Variants in FSIP1 observed in about 807,000 individuals in gnomAD.
FSIP1 encodes fibrous sheath-interacting protein 1.
A neutral mutation model predicts 60.9 loss-of-function variants in FSIP1; 65 were observed. The ratio of observed to expected loss-of-function variants is 1.07; its 90% confidence interval spans 0.87 to 1.31. FSIP1 has a LOEUF of 1.31. Ranked by LOEUF, FSIP1 falls within the 40% of genes most tolerant of loss-of-function variation. The pLI is 0.00. For synonymous variants in FSIP1, 209 were observed against 221.2 expected (o/e 0.94, Z 0.49); for missense variants, 675 against 665.5 (o/e 1.01, Z -0.16).
intron 10 of FSIP1, among the ~76,000 whole-genome samples, chr15:39,645,405 C>T (rs1467722576): frequency 6.6e-6 from 1 of 151,634 alleles, no homozygotes; most frequent in Non-Finnish European, 1.5e-5. Flanking sequence ...AGCTACAGAC[C>T]CAGGCCTCCT....
chr15:39,702,173 G>A (rs1460126207), intron 10 of FSIP1, among the ~76,000 whole-genome samples: 1 of 151,736 alleles, frequency 6.6e-6, no homozygotes, highest in Non-Finnish European at 1.5e-5. Flanking sequence ...TTTCCACTCG[G>A]GGTTAACCAT....
chr15:39,601,919 CA>C (rs1890654825), intron 11 of FSIP1, among the ~76,000 whole-genome samples: 1 of 151,986 alleles, frequency 6.6e-6, no homozygotes, highest in Non-Finnish European at 1.5e-5. Flanking sequence ...TACTAATACC[CA>C]AAATGTTGCG....
In FSIP1 at chr15:39,770,604, T is replaced by C; in HGVS notation, c.133A>G (p.Thr45Ala). 2 of 1,497,176 alleles carry C rather than the reference T, an allele frequency of 1.3e-6. No individual in the cohort carries two copies. The highest frequency in any genetic ancestry group is 8.9e-7 in the Non-Finnish European group (1 of 1,123,572). The allele number at this position is 1,497,176 out of a possible 1,614,324, so 92.7% of individuals were successfully genotyped here. Residue 45 changes from threonine to alanine, a missense_variant, in exon 3 of 12, where the codon ACT becomes GCT. Physicochemically the swap from Thr to Ala is moderately conservative, Grantham distance 58. Coordinates refer to ENST00000350221, the MANE Select transcript of FSIP1 (RefSeq NM_152597.5). Reference sequence around the variant, plus strand: ...TTACCAGAGTTCAAGTTGCTTGCAGTATCGACCTAAAAATAATTTCAAAAA... The same window carrying C: ...TTACCAGAGTTCAAGTTGCTTGCAGCATCGACCTAAAAATAATTTCAAAAA... ...STEPGSFKVD[T>A]ASNLNSGKED...
intron 9 of FSIP1, among the ~76,000 whole-genome samples, chr15:39,725,975 G>A (rs1896177756): frequency 6.6e-6 from 1 of 152,110 alleles, no homozygotes; most frequent in Non-Finnish European, 1.5e-5. Flanking sequence ...AGTAGAGACA[G>A]GGTTTCATCA....
intron 9 of FSIP1, among the ~76,000 whole-genome samples, chr15:39,717,578 T>A (rs1362517230): frequency 6.6e-6 from 1 of 152,210 alleles, no homozygotes; most frequent in African/African-American, 2.4e-5. Context: ...CAGGCCAGTA[T>A]CAGGTATCCC....
intron 10 of FSIP1, among the ~76,000 whole-genome samples, chr15:39,681,354 A>G (rs993727939): frequency 1.3e-5 from 2 of 151,900 alleles, no homozygotes; most frequent in Non-Finnish European, 2.9e-5. Flanking sequence ...TCTACATTAT[A>G]TGTTTTTATA....
intron 10 of FSIP1, among the ~76,000 whole-genome samples, chr15:39,705,575 TA>T (rs1895228299): frequency 1.3e-5 from 2 of 152,188 alleles, no homozygotes; most frequent in African/African-American, 4.8e-5. Flanking sequence ...TTACAGCACA[TA>T]TTCTATTTCC....
At chr15:39,648,281 TA>T in intron 10 of FSIP1, among the ~76,000 whole-genome samples, 1 of 151,974 alleles carries the variant, frequency 6.6e-6, no homozygotes, top group East Asian at 1.9e-4. Flanking sequence ...TCTAGAATTC[TA>T]AATTTTAATT....
intron 10 of FSIP1, among the ~76,000 whole-genome samples, chr15:39,636,987 T>C (rs1015857824): frequency 7.9e-5 from 12 of 152,216 alleles, no homozygotes; most frequent in Non-Finnish European, 1.3e-4. Context: ...CTCATTCCTA[T>C]GCAATTGTTG....
At chr15:39,674,350 G>A (rs1014016635) in intron 10 of FSIP1, among the ~76,000 whole-genome samples, 6 of 152,118 alleles carry the variant, frequency 3.9e-5, no homozygotes, top group East Asian at 1.9e-4. Flanking sequence ...CACTGCATCC[G>A]GCCAAAATTA....
intron 3 of FSIP1, among the ~76,000 whole-genome samples, chr15:39,767,990 G>C (rs1446100503): frequency 6.6e-6 from 1 of 152,196 alleles, no homozygotes; most frequent in East Asian, 1.9e-4. Context: ...CAAGCCGCCA[G>C]CAGACGGCAA....
At chr15:39,723,509 G>A (rs533238633) in intron 9 of FSIP1, among the ~76,000 whole-genome samples, 50 of 152,196 alleles carry the variant, frequency 3.3e-4, no homozygotes, top group Non-Finnish European at 5.9e-4. Context: ...GATTACAGGC[G>A]TGAGCCACCA....
intron 11 of FSIP1, among the ~76,000 whole-genome samples, chr15:39,603,689 G>A (rs1890722810): frequency 1.3e-5 from 2 of 152,150 alleles, no homozygotes; most frequent in South Asian, 2.1e-4. Context: ...GAGATCACAA[G>A]ACAATGTGGA....
intron 10 of FSIP1, among the ~76,000 whole-genome samples, chr15:39,695,154 C>A (rs1027243098): frequency 1.3e-5 from 2 of 152,098 alleles, no homozygotes; most frequent in Non-Finnish European, 2.9e-5. Flanking sequence ...GCATGCCATG[C>A]CCACCATTTT....
chr15:39,679,719 A>T (rs1473231479), intron 10 of FSIP1, among the ~76,000 whole-genome samples: 3 of 152,252 alleles, frequency 2.0e-5, no homozygotes, highest in Non-Finnish European at 4.4e-5. Context: ...TTTATGCTAA[A>T]GCATTTTAAT....
intron 10 of FSIP1, among the ~76,000 whole-genome samples, chr15:39,669,993 T>C (rs541475849): frequency 1.3e-5 from 2 of 152,352 alleles, no homozygotes; most frequent in East Asian, 3.9e-4. Flanking sequence ...TCCCGGAAAC[T>C]GGAAATTAAT....
chr15:39,651,149 T>C (rs1892851285), intron 10 of FSIP1, among the ~76,000 whole-genome samples: 1 of 152,184 alleles, frequency 6.6e-6, no homozygotes, highest in South Asian at 2.1e-4. Flanking sequence ...CATATCTAGT[T>C]ATACTTCAGG....
At chr15:39,771,816 G>T (rs971552057) in intron 2 of FSIP1, among the ~76,000 whole-genome samples, 1 of 152,250 alleles carries the variant, frequency 6.6e-6, no homozygotes, top group Non-Finnish European at 1.5e-5. Context: ...TCTGCCAAAT[G>T]CCAGAAAAAG....
chr15:39,695,953 G>T (rs1894796263), intron 10 of FSIP1, among the ~76,000 whole-genome samples: 1 of 152,216 alleles, frequency 6.6e-6, no homozygotes, highest in Admixed American at 6.5e-5. Flanking sequence ...AACTTCAAAG[G>T]TAGTAGCAGG....
Sources: allele counts gnomAD v4.1 joint callset (sites outside exome capture counted in the v4.1 genomes callset), GRCh38; gene constraint gnomAD v4.1.1; transcripts MANE v1.5; gene names NCBI Gene and HGNC (gene_info 2026-07-23, HGNC 2026-07-21).